Variants in ATP13A3 observed in about 807,000 individuals in gnomAD.
ATP13A3 encodes the protein ATPase 13A3.
A neutral mutation model predicts 158.1 loss-of-function variants in ATP13A3; 59 were observed. The ratio of observed to expected loss-of-function variants is 0.37; its 90% CI spans 0.30 to 0.46. The LOEUF (loss-of-function observed/expected upper bound fraction) is 0.46. Among genes scored for constraint, ATP13A3 ranks in the 20% least tolerant of loss-of-function variants. The pLI is 1.00. For synonymous variants in ATP13A3, 491 were observed against 504.3 expected (o/e 0.97, Z 0.35); for missense variants, 1,166 against 1,525.2 (o/e 0.76, Z 3.92).
chr3:194,435,635 G>A (rs1351022497), intron 20 of ATP13A3, among the ~76,000 whole-genome samples: 3 of 152,190 alleles, frequency 2.0e-5, no homozygotes, highest in Admixed American at 6.5e-5. Context: ...GCAGCCGGGT[G>A]CAGTGGCTCA....
intron 16 of ATP13A3, among the ~76,000 whole-genome samples, chr3:194,440,668 G>A (rs1717987505): frequency 6.6e-6 from 1 of 152,130 alleles, no homozygotes; most frequent in Non-Finnish European, 1.5e-5. Flanking sequence ...AAAACCAAGA[G>A]CATGAAGGAG....
chr3:194,421,111 G>GGTGTGT (rs1284255038), intron 30 of ATP13A3, among the ~76,000 whole-genome samples: 4 of 4,564 alleles, frequency 8.8e-4, no homozygotes, highest in African/African-American at 2.7e-3. Context: ...CAGTGTGTAG[G>GGTGTGT]GTGTATATAT....
intron 20 of ATP13A3, among the ~76,000 whole-genome samples, chr3:194,436,864 T>C (rs1717679743): frequency 6.6e-6 from 1 of 152,114 alleles, no homozygotes; most frequent in South Asian, 2.1e-4. Context: ...GCAGTGCCAC[T>C]GCACTCTAGC....
At chr3:194,487,335 CTG>C (rs1721054735), upstream of ATP13A3, 1 of 152,332 alleles carries the variant, frequency 6.6e-6, no homozygotes, top group Non-Finnish European at 1.5e-5. Flanking sequence ...AACAGGGAAA[CTG>C]AGGCTCAGTG....
At chr3:194,457,382 C>A (rs879678454) in intron 6 of ATP13A3, among the ~76,000 whole-genome samples, 2 of 152,156 alleles carry the variant, frequency 1.3e-5, no homozygotes, top group Non-Finnish European at 2.9e-5. Flanking sequence ...TCAAACCCAA[C>A]TTCGAAGCTA....
intron 2 of ATP13A3, among the ~76,000 whole-genome samples, chr3:194,479,717 T>C (rs1363005442): frequency 6.6e-6 from 1 of 152,008 alleles, no homozygotes; most frequent in Non-Finnish European, 1.5e-5. Context: ...AGTAGAAATA[T>C]TTGACTAATC....
intron 2 of ATP13A3, among the ~76,000 whole-genome samples, chr3:194,474,109 G>C (rs1560114210): frequency 6.6e-6 from 1 of 152,010 alleles, no homozygotes; most frequent in Admixed American, 6.6e-5. Flanking sequence ...TTTCCTTTGG[G>C]GGGTGACAGT....
Position 194,439,033 on chromosome 3 carries a change from A to C in ATP13A3, c.1711-61T>G, listed in dbSNP as rs1577057575. The stretch of plus-strand genomic sequence containing the variant: ...ACAACATTCAAGCACTGCTTCATAA[A>C]ACTGAATTCATGGTTCCATTTTTAA... On this transcript the variant is annotated intron_variant, in intron 16 of 33. Coordinates refer to ENST00000645319, the MANE Select transcript of ATP13A3 (RefSeq NM_001367549.1). 11 of 1,064,514 alleles carry C rather than the reference A, an allele frequency of 1.0e-5. No individual in the cohort carries two copies. The East Asian group carries it at 2.8e-4, about 27-fold the overall frequency. 65.9% of individuals were successfully genotyped at this position (1,064,514 alleles called of 1,614,324 possible).
At chr3:194,474,384 G>GCT (rs957452995) in intron 2 of ATP13A3, among the ~76,000 whole-genome samples, 2 of 152,090 alleles carry the variant, frequency 1.3e-5, no homozygotes, top group Non-Finnish European at 2.9e-5. Flanking sequence ...AAACACCTGG[G>GCT]CTCAAGGGAT....
intron 33 of ATP13A3, among the ~76,000 whole-genome samples, chr3:194,410,343 G>A (rs1715312163): frequency 7.6e-6 from 1 of 132,008 alleles, no homozygotes; most frequent in Non-Finnish European, 1.6e-5. Context: ...TGCTGGGCCT[G>A]GGATGGCATG....
Position 194,421,281 on chromosome 3 carries a change from C to T in ATP13A3, c.3314-1314G>A, listed in dbSNP as rs575660403. On this transcript the variant is annotated intron_variant, in intron 30 of 33. Coordinates refer to ENST00000645319, the MANE Select transcript of ATP13A3 (RefSeq NM_001367549.1). The stretch of plus-strand genomic sequence containing the variant: ...ATTAAAAAAAATGTGGGGCTGGGCA[C>T]GGTGGCTCACGCCTGTAATCCTAGC... Among the ~76,000 whole-genome samples, 511 of 144,562 alleles carry T rather than the reference C, an allele frequency of 3.5e-3. 2 individuals are homozygous for T. Among genetic ancestry groups the T allele is most frequent in the Non-Finnish European group, 5.7e-3 (378 of 66,798 alleles). 94.8% of individuals were successfully genotyped at this position (144,562 alleles called of 152,430 possible). A position where few individuals can be genotyped will look rare whatever the true frequency, so the allele number is the denominator to read the frequency against.
chr3:194,461,190 C>CT (rs985155805), intron 3 of ATP13A3, among the ~76,000 whole-genome samples: 57 of 150,724 alleles, frequency 3.8e-4, no homozygotes, highest in African/African-American at 1.3e-3. Flanking sequence ...ATGAGGTGGG[C>CT]TTTTTTTTTA....
Position 194,431,920 on chromosome 3 carries a change from T to C in ATP13A3, c.2246-28A>G, listed in dbSNP as rs767707909. The C allele has an allele frequency of 2.0e-6, 3 of 1,517,802 alleles. No homozygotes were observed. In the South Asian group the frequency reaches 3.9e-5, roughly 20 times the overall value. 94.0% of individuals were successfully genotyped at this position (1,517,802 alleles called of 1,614,324 possible). A position where few individuals can be genotyped will look rare whatever the true frequency, so the allele number is the denominator to read the frequency against. On this transcript the variant is annotated intron_variant, in intron 21 of 33. Coordinates refer to ENST00000645319, the MANE Select transcript of ATP13A3 (RefSeq NM_001367549.1). ...AATTTTCAAAATATTTTAAATGTAT[T>C]GAAATTAAAATGGAAACGTGAACGT...
At chr3:194,452,800 C>A (rs757577748) in intron 10 of ATP13A3, 8 of 152,284 alleles carry the variant, frequency 5.3e-5, no homozygotes, top group Non-Finnish European at 1.2e-4. Flanking sequence ...ATCCCTGATA[C>A]CTACAGTAAA....
chr3:194,457,602 A>T (rs1332237548), intron 6 of ATP13A3, among the ~76,000 whole-genome samples: 1 of 152,168 alleles, frequency 6.6e-6, no homozygotes, highest in African/African-American at 2.4e-5. Flanking sequence ...TTTTAGAGTC[A>T]AATTAAGAAT....
rs1560109591 is a variant in ATP13A3, at chr3:194,465,829, A to AC, written c.-46-3594_-46-3593insG. 6.9e-4 allele frequency among the ~76,000 whole-genome samples: 97 copies of AC among 139,940 alleles called. No individual in the cohort carries two copies. The East Asian group carries it at 0.015, about 22-fold the overall frequency. 91.8% of individuals were successfully genotyped at this position (139,940 alleles called of 152,430 possible). A position where few individuals can be genotyped will look rare whatever the true frequency, so the allele number is the denominator to read the frequency against. ...AAACACACACACACACACACACACA[A>AC]AAATTAGCCAGGGGTGGTGGTGCAT... On this transcript the variant is annotated intron_variant, in intron 2 of 33. Transcript: ENST00000645319.
In ATP13A3 at chr3:194,455,969, CA is replaced by C; in HGVS notation, c.561-8del. On this transcript the variant is annotated splice_region_variant and splice_polypyrimidine_tract_variant and intron_variant, in intron 7 of 33. Coordinates refer to ENST00000645319, the MANE Select transcript of ATP13A3 (RefSeq NM_001367549.1). ...TACTCCATAAAGCAGTTTTCTATAA[CA>C]GGAAAATACATTCATAGTATTACAT... The C allele has an allele frequency of 6.8e-7, 1 of 1,477,846 alleles. No individual in the cohort carries two copies. The highest frequency in any genetic ancestry group is 9.2e-7 in the Non-Finnish European group (1 of 1,083,016). The allele number at this position is 1,477,846 out of a possible 1,614,324, so 91.5% of individuals were successfully genotyped here.
chr3:194,406,165 G>T (rs753438746), intron 33 of ATP13A3, 49 bp from the exon 34 acceptor site: 5 of 1,587,400 alleles, frequency 3.1e-6, no homozygotes, highest in African/African-American at 1.4e-5. Flanking sequence ...TTGATTAAAG[G>T]CTTGTCGTTT....
chr3:194,479,917 G>A (rs1720681819), intron 2 of ATP13A3, among the ~76,000 whole-genome samples: 1 of 152,226 alleles, frequency 6.6e-6, no homozygotes, highest in Admixed American at 6.5e-5. Context: ...ATGTATATCG[G>A]AGATACATGA....
Sources: gnomAD v4.1 joint callset for allele counts (sites outside exome capture counted in the v4.1 genomes callset) on GRCh38, gnomAD v4.1.1 for gene constraint, MANE v1.5 for transcripts, NCBI Gene and HGNC (gene_info 2026-07-23, HGNC 2026-07-21) for gene names.